The following CUEDC1 variants were observed in gnomAD, a reference collection of about 807,000 sequenced individuals.
CUEDC1 encodes the protein CUE domain-containing protein 1.
Under a neutral mutation model 43.7 loss-of-function variants are expected in CUEDC1, and 30 were observed. That is an observed-to-expected ratio of 0.69 (90% CI 0.51 to 0.93). The LOEUF is 0.93. Ranked by LOEUF, CUEDC1 falls within the 40% of genes least tolerant of loss-of-function variation. The pLI is 0.00. For missense variants in CUEDC1, 486 were observed against 549.0 expected, an observed-to-expected ratio of 0.89 and a Z score of 1.15; for synonymous variants, 223 against 223.6, an observed-to-expected ratio of 1.00 and a Z score of 0.02.
chr17:57,885,255 C>T lies in CUEDC1; in HGVS notation c.310G>A (p.Asp104Asn), dbSNP rs930532704. ...TCCGGGGGGATGCTGTCCTCCGAGTCGGAGCTGTCCTCATAGACGCCGCCG... is the reference window on the plus strand; with the variant it reads ...TCCGGGGGGATGCTGTCCTCCGAGTTGGAGCTGTCCTCATAGACGCCGCCG... ...SSGGVYEDSS[D>N]SEDSIPPEIL... The change falls in exon 2 of 11, where the codon GAC (aspartate) becomes AAC (asparagine). Residue 104 changes from aspartate to asparagine, a missense_variant. Coordinates refer to ENST00000577830, the MANE Select transcript of CUEDC1 (RefSeq NM_001271875.2). The T allele has an allele frequency of 3.1e-6, 5 of 1,590,834 alleles. No homozygotes were observed. The highest frequency in any genetic ancestry group is 2.3e-5 in the East Asian group (1 of 43,746).
intron 1 of CUEDC1, among the ~76,000 whole-genome samples, chr17:57,887,500 A>AT (rs35030086): frequency 0.65 from 92,871 of 143,320 alleles, 30,351 homozygotes; most frequent in East Asian, 0.99. Flanking sequence ...TGATACAGAA[A>AT]TTTTTTTTTT....
At chr17:57,945,753 C>T (rs1309160071) in intron 1 of CUEDC1, among the ~76,000 whole-genome samples, 1 of 152,124 alleles carries the variant, frequency 6.6e-6, no homozygotes, top group East Asian at 1.9e-4. Context: ...GGCGTGGTGG[C>T]TCATACCTAT....
At chr17:57,880,773 A>G (rs1305789388) in intron 2 of CUEDC1, among the ~76,000 whole-genome samples, 1 of 152,122 alleles carries the variant, frequency 6.6e-6, no homozygotes, top group African/African-American at 2.4e-5. Flanking sequence ...CCCCTGGCTA[A>G]TCTTTGTATT....
At chr17:57,864,781 C>T (rs184658856) in intron 10 of CUEDC1, among the ~76,000 whole-genome samples, 12 of 152,162 alleles carry the variant, frequency 7.9e-5, no homozygotes, top group Admixed American at 3.9e-4. Context: ...GGTGCAGGTA[C>T]GGTGGCTCAC....
chr17:57,934,965 C>T (rs1393896529), intron 1 of CUEDC1, among the ~76,000 whole-genome samples: 1 of 152,206 alleles, frequency 6.6e-6, no homozygotes, highest in East Asian at 1.9e-4. Context: ...GCCTCAGCCT[C>T]CCAAAGTGCT....
intron 1 of CUEDC1, among the ~76,000 whole-genome samples, chr17:57,943,872 G>A (rs984707750): frequency 6.6e-6 from 1 of 151,980 alleles, no homozygotes; most frequent in Non-Finnish European, 1.5e-5. Context: ...CTACCTCTAG[G>A]CTCAGTTTAT....
chr17:57,887,776 A>C (rs1328384139), intron 1 of CUEDC1, among the ~76,000 whole-genome samples: 1 of 148,456 alleles, frequency 6.7e-6, no homozygotes, highest in African/African-American at 2.5e-5. Context: ...AAGTGCTGGG[A>C]TTACAGGCAT....
Position 57,866,507 on chromosome 17 carries a change from C to A in CUEDC1, c.1131G>T (p.Lys377Asn). 6.2e-7 allele frequency: 1 copy of A among 1,614,090 alleles called. No homozygotes were observed. The highest frequency in any genetic ancestry group is 2.2e-5 in the East Asian group (1 of 44,892). Residue 377 changes from lysine (K) to asparagine (N), a missense_variant, in exon 10 of 11, where the codon AAG becomes AAT. Transcript: ENST00000577830. ...GTCCTTCTCGCAGGCCTTCCTCCAC[C>A]TTGGGTGCCTCCTGACGCCTGCCCC... ...DFRGRRQEAP[K>N]VEEGLREGQ
intron 1 of CUEDC1, among the ~76,000 whole-genome samples, chr17:57,898,692 C>G (rs1041539967): frequency 3.9e-5 from 6 of 152,316 alleles, no homozygotes; most frequent in Non-Finnish European, 2.9e-5. Flanking sequence ...ATTCTAGAGT[C>G]TGGCCCAGGC....
intron 2 of CUEDC1, among the ~76,000 whole-genome samples, chr17:57,884,341 G>A (rs2074258251): frequency 6.6e-6 from 1 of 151,698 alleles, no homozygotes; most frequent in South Asian, 2.1e-4. Context: ...GGGACTACAG[G>A]TGCGCACCAC....
chr17:57,893,139 G>C (rs577107605), intron 1 of CUEDC1, among the ~76,000 whole-genome samples: 26 of 152,388 alleles, frequency 1.7e-4, no homozygotes, highest in African/African-American at 6.0e-4. Flanking sequence ...TGGGAGGCTT[G>C]TGTAACCATG....
chr17:57,884,713 G>A (rs2074263795), intron 2 of CUEDC1, among the ~76,000 whole-genome samples: 1 of 152,130 alleles, frequency 6.6e-6, no homozygotes, highest in Non-Finnish European at 1.5e-5. Context: ...CTTAGCCATC[G>A]CTTCCTCTGG....
chr17:57,926,460 G>C (rs1037427430), intron 1 of CUEDC1, among the ~76,000 whole-genome samples: 2 of 151,968 alleles, frequency 1.3e-5, no homozygotes, highest in Non-Finnish European at 2.9e-5. Flanking sequence ...AACATTTACA[G>C]ATCGGTGAGA....
At chr17:57,879,397 C>G (rs991628023) in intron 3 of CUEDC1, among the ~76,000 whole-genome samples, 2 of 152,204 alleles carry the variant, frequency 1.3e-5, no homozygotes, top group African/African-American at 4.8e-5. Context: ...TACCGCCTAG[C>G]CTAGAGTAGG....
chr17:57,922,767 A>G (rs2074709851), intron 1 of CUEDC1, among the ~76,000 whole-genome samples: 2 of 152,204 alleles, frequency 1.3e-5, no homozygotes, highest in South Asian at 2.1e-4. Context: ...AACAGCAACT[A>G]TTACCATCAT....
intron 6 of CUEDC1, 49 bp from the exon 7 acceptor site, chr17:57,869,242 C>A: frequency 1.3e-6 from 2 of 1,554,882 alleles, no homozygotes; most frequent in Non-Finnish European, 1.8e-6. Context: ...CAGCCATGGC[C>A]GCTGTCCCAG....
intron 1 of CUEDC1, among the ~76,000 whole-genome samples, chr17:57,923,334 G>C (rs2074715581): frequency 6.6e-6 from 1 of 152,180 alleles, no homozygotes; most frequent in Non-Finnish European, 1.5e-5. Context: ...CAGAACCAAA[G>C]CTTGTCCTCA....
At chr17:57,907,839 CA>C (rs869267040) in intron 1 of CUEDC1, among the ~76,000 whole-genome samples, 18,966 of 83,776 alleles carry the variant, frequency 0.23, 1,351 homozygotes, top group African/African-American at 0.31. Context: ...GAGTGAGACT[CA>C]AAAAAAAAAA....
intron 1 of CUEDC1, among the ~76,000 whole-genome samples, chr17:57,893,245 G>T (rs894382322): frequency 6.6e-6 from 1 of 152,210 alleles, no homozygotes; most frequent in East Asian, 1.9e-4. Flanking sequence ...AGCGGGTGGG[G>T]TGCAGGGAAA....
Sources: allele counts gnomAD v4.1 joint callset (sites outside exome capture counted in the v4.1 genomes callset), GRCh38; gene constraint gnomAD v4.1.1; transcripts MANE v1.5; gene names NCBI Gene and HGNC (gene_info 2026-07-23, HGNC 2026-07-21).